Variants in USH2A observed in about 807,000 individuals in gnomAD.
USH2A encodes the protein Usher syndrome 2A (autosomal recessive, mild).
A neutral mutation model predicts 538.9 loss-of-function variants in USH2A; 443 were observed. The observed-to-expected ratio is 0.82, with a 90% CI of 0.76 to 0.89. The LOEUF (loss-of-function observed/expected upper bound fraction) is 0.89, where lower values mean the gene tolerates loss of function less well. Ranked by LOEUF, USH2A falls within the 40% of genes least tolerant of loss-of-function variation. The pLI is 0.00. For synonymous variants in USH2A, 2,413 were observed against 2,273.5 expected, an observed-to-expected ratio of 1.06 and a Z score of -1.75; for missense variants, 6,633 against 6,324.8, an observed-to-expected ratio of 1.05 and a Z score of -1.65.
chr1:215,779,170 T>C (rs965446615), intron 55 of USH2A, among the ~76,000 whole-genome samples: 2 of 152,218 alleles, frequency 1.3e-5, no homozygotes, highest in African/African-American at 2.4e-5. Context: ...GATGTGGTGG[T>C]GTGTTAGAGA....
chr1:216,086,616 T>A, intron 24 of USH2A, 103 bp downstream of exon 24: 2 of 1,001,004 alleles, frequency 2.0e-6, no homozygotes, highest in Non-Finnish European at 1.5e-6. Flanking sequence ...ATAGAAAATA[T>A]AGCATGAGGT....
intron 61 of USH2A, among the ~76,000 whole-genome samples, chr1:215,695,209 A>G (rs1327235905): frequency 1.3e-5 from 2 of 152,228 alleles, no homozygotes; most frequent in African/African-American, 4.8e-5. Context: ...ACTCTGCAGC[A>G]TGCTCTTCCC....
At chr1:215,974,863 G>C (rs563794237) in intron 35 of USH2A, among the ~76,000 whole-genome samples, 2 of 152,242 alleles carry the variant, frequency 1.3e-5, no homozygotes, top group South Asian at 2.1e-4. Flanking sequence ...CCAGTAATGG[G>C]TTGCTGGGTC....
chr1:216,280,062 A>T (rs1003192902), intron 11 of USH2A, among the ~76,000 whole-genome samples: 2 of 151,800 alleles, frequency 1.3e-5, no homozygotes, highest in Non-Finnish European at 2.9e-5. Context: ...ACCCTTCTCC[A>T]GATATGTCAA....
chr1:216,245,050 TAA>T (rs1447914566), intron 13 of USH2A, among the ~76,000 whole-genome samples: 1 of 152,052 alleles, frequency 6.6e-6, no homozygotes, highest in African/African-American at 2.4e-5. Context: ...TGATAAACAC[TAA>T]AAGAGAAAAA....
chr1:216,408,184 G>A (rs2039427636), intron 3 of USH2A, among the ~76,000 whole-genome samples: 1 of 152,100 alleles, frequency 6.6e-6, no homozygotes, highest in Non-Finnish European at 1.5e-5. Flanking sequence ...GATTGGAAGT[G>A]TTTCCATAGG....
At chr1:215,649,595 C>T (rs1247728312) in intron 65 of USH2A, among the ~76,000 whole-genome samples, 1 of 151,974 alleles carries the variant, frequency 6.6e-6, no homozygotes, top group Admixed American at 6.6e-5. Context: ...AGTACGAAGC[C>T]CTATAGAAAA....
chr1:216,312,083 G>C (rs1450343705), intron 9 of USH2A, among the ~76,000 whole-genome samples: 1 of 151,602 alleles, frequency 6.6e-6, no homozygotes, highest in Non-Finnish European at 1.5e-5. Flanking sequence ...ATTCTTGCAA[G>C]GCAAGAAAAG....
chr1:215,727,224 T>C (rs1280369425), intron 61 of USH2A, among the ~76,000 whole-genome samples: 1 of 152,074 alleles, frequency 6.6e-6, no homozygotes, highest in Non-Finnish European at 1.5e-5. Flanking sequence ...TACACACATA[T>C]ATACAAATAC....
chr1:216,020,859 C>G (rs1362851481), intron 32 of USH2A, among the ~76,000 whole-genome samples: 1 of 152,092 alleles, frequency 6.6e-6, no homozygotes, highest in Admixed American at 6.6e-5. Flanking sequence ...TTAAAATAAA[C>G]TGCAATAGTA....
chr1:216,376,859 T>C (rs906173679), intron 3 of USH2A, among the ~76,000 whole-genome samples: 2 of 152,170 alleles, frequency 1.3e-5, no homozygotes, highest in African/African-American at 4.8e-5. Flanking sequence ...GTAGAAATAG[T>C]CCTGCCATAT....
intron 27 of USH2A, 90 bp from the exon 28 acceptor site, chr1:216,073,390 G>A: frequency 7.3e-7 from 1 of 1,378,130 alleles, no homozygotes; most frequent in South Asian, 1.2e-5. Flanking sequence ...ACATTTTGAG[G>A]AAGGGGGGTG....
At chr1:216,126,406 G>T (rs1219358552) in intron 21 of USH2A, among the ~76,000 whole-genome samples, 1 of 152,026 alleles carries the variant, frequency 6.6e-6, no homozygotes, top group East Asian at 1.9e-4. Flanking sequence ...TGTATTTTTA[G>T]TAGAGACAGC....
At chr1:215,978,745 G>A (rs1164147187) in intron 35 of USH2A, among the ~76,000 whole-genome samples, 1 of 152,114 alleles carries the variant, frequency 6.6e-6, no homozygotes, top group Non-Finnish European at 1.5e-5. Context: ...AAGTGTTACA[G>A]GCTTTTTAGA....
chr1:216,312,957 T>C (rs977449616), intron 9 of USH2A, among the ~76,000 whole-genome samples: 1 of 152,074 alleles, frequency 6.6e-6, no homozygotes, highest in East Asian at 1.9e-4. Context: ...GGTGGTAAGA[T>C]GAGAGGGGAG....
intron 58 of USH2A, among the ~76,000 whole-genome samples, chr1:215,749,505 A>G (rs1660566299): frequency 6.6e-6 from 1 of 152,186 alleles, no homozygotes; most frequent in Non-Finnish European, 1.5e-5. Context: ...GGCCCCCTCC[A>G]CTATCATAAT....
At chr1:215,969,721 C>A (rs1393253899) in intron 36 of USH2A, among the ~76,000 whole-genome samples, 2 of 151,670 alleles carry the variant, frequency 1.3e-5, no homozygotes, top group African/African-American at 4.8e-5. Flanking sequence ...ATCTCTGAAA[C>A]AAAAAGAGAG....
At chr1:215,632,974 C>T (rs1383654988) in intron 70 of USH2A, among the ~76,000 whole-genome samples, 1 of 152,064 alleles carries the variant, frequency 6.6e-6, no homozygotes, top group Non-Finnish European at 1.5e-5. Context: ...GGTCCCGGGG[C>T]ACATACAACA....
At chr1:215,912,322 A>G (rs1379085763) in intron 38 of USH2A, among the ~76,000 whole-genome samples, 1 of 151,852 alleles carries the variant, frequency 6.6e-6, no homozygotes, top group Admixed American at 6.6e-5. Flanking sequence ...TAGTAACTTG[A>G]TAGTTTGAAG....
Sources: allele counts gnomAD v4.1 joint callset (sites outside exome capture counted in the v4.1 genomes callset), GRCh38; gene constraint gnomAD v4.1.1; transcripts MANE v1.5; gene names NCBI Gene and HGNC (gene_info 2026-07-23, HGNC 2026-07-21).